RXFP2: variants seen among roughly 807,000 people sequenced by gnomAD.
RXFP2 encodes the protein relaxin family peptide receptor 2, also known as relaxin receptor 2.
RXFP2 carries 68 observed loss-of-function variants against 88.6 expected under a neutral mutation model. That is an observed-to-expected ratio of 0.77 (90% CI 0.63 to 0.94). The LOEUF (loss-of-function observed/expected upper bound fraction) is 0.94, where lower values mean the gene tolerates loss of function less well. RXFP2 is among the 40% of genes least tolerant of loss of function. The pLI, the probability that RXFP2 is intolerant of heterozygous loss-of-function variation, is 0.00. For synonymous variants in RXFP2, 329 were observed against 306.8 expected, an observed-to-expected ratio of 1.07 and a Z score of -0.76; for missense variants, 791 against 893.9, an observed-to-expected ratio of 0.88 and a Z score of 1.47.
At chr13:31,765,904 G>A in intron 4 of RXFP2, 52 bp from the exon 5 acceptor site, 5 of 852,114 alleles carry the variant, frequency 5.9e-6, no homozygotes, top group South Asian at 2.9e-5. Flanking sequence ...CTAGGGAAGA[G>A]TGGGTTGGCC....
In RXFP2 at chr13:31,786,483, T is replaced by A. The variant is rs376703734; in HGVS notation, c.1001+29T>A. On this transcript the variant is annotated intron_variant, in intron 12 of 17. Coordinates refer to ENST00000298386, the MANE Select transcript of RXFP2 (RefSeq NM_130806.5). Reference sequence around the variant, plus strand: ...AGTTCTACTTCTCACCATAATCAGATTTAAAGGGCAATATTTTGAGCTTTC... The same window carrying A: ...AGTTCTACTTCTCACCATAATCAGAATTAAAGGGCAATATTTTGAGCTTTC... 206 of 1,565,840 alleles carry A rather than the reference T, an allele frequency of 1.3e-4. No individual in the cohort carries two copies. In the African/African-American group the frequency reaches 2.6e-3, roughly 20 times the overall value.
chr13:31,798,309 A>T (rs1008281807), intron 17 of RXFP2, among the ~76,000 whole-genome samples: 3 of 152,238 alleles, frequency 2.0e-5, no homozygotes, highest in Non-Finnish European at 4.4e-5. Flanking sequence ...AACATTCACA[A>T]CATCCTCTTA....
At position 31,775,371 on chromosome 13, in the gene RXFP2, TA is replaced by T. The variant is rs765950569; in HGVS notation, c.624del (p.Leu208PhefsTer4). ...CTCAGACCTGGAATATTCAAAGACT[TA>T]CATCAGCTAACTTGGCTGTAAGTAC... ...TTLRPGIFKD[L>X]HQLTWLILDD... On this transcript the variant is annotated frameshift_variant, in exon 7 of 18. Coordinates refer to ENST00000298386, the MANE Select transcript of RXFP2 (RefSeq NM_130806.5). LOFTEE classifies it high-confidence loss of function. 1 of 1,612,880 alleles carries T rather than the reference TA, an allele frequency of 6.2e-7. No individual in the cohort carries two copies. Among genetic ancestry groups the T allele is most frequent in the East Asian group, 2.2e-5 (1 of 44,866 alleles).
rs1322417293 is a variant in RXFP2 at position 31,758,286 on chromosome 13, C to A, written c.123C>A (p.Ile41=). The A allele has an allele frequency of 6.2e-7, 1 of 1,613,996 alleles. No individual in the cohort carries two copies. ...KDFALTQGSM[I]TPSCQKGYFP... ...TTGCACTGACTCAAGGTAGCATGAT[C>A]ACTCCTTCATGCCAAAAAGGATATT... Residue 41 remains isoleucine (I), a synonymous_variant, in exon 2 of 18, where the codon ATC becomes ATA. Coordinates refer to ENST00000298386, the MANE Select transcript of RXFP2 (RefSeq NM_130806.5).
intron 13 of RXFP2, 131 bp downstream of exon 13, chr13:31,786,768 C>A: frequency 1.6e-6 from 1 of 630,956 alleles, no homozygotes; most frequent in Non-Finnish European, 2.8e-6. Flanking sequence ...CAGATCCCAT[C>A]AAGTACATAC....
intron 3 of RXFP2, among the ~76,000 whole-genome samples, chr13:31,762,049 T>A (rs1470611487): frequency 3.9e-5 from 6 of 152,254 alleles, no homozygotes; most frequent in African/African-American, 1.4e-4. Context: ...TGAATAATTG[T>A]GACAAATAGT....
At chr13:31,794,392 A>G (rs1873932294) in intron 16 of RXFP2, among the ~76,000 whole-genome samples, 1 of 151,494 alleles carries the variant, frequency 6.6e-6, no homozygotes, top group South Asian at 2.1e-4. Context: ...ACACACACAC[A>G]CACACACACA....
intron 11 of RXFP2, among the ~76,000 whole-genome samples, chr13:31,784,727 C>T (rs1873445918): frequency 6.6e-6 from 1 of 152,164 alleles, no homozygotes; most frequent in African/African-American, 2.4e-5. Context: ...TAACAAGAGA[C>T]CCCAACCTGA....
At chr13:31,757,302 G>C (rs1404102710) in intron 1 of RXFP2, among the ~76,000 whole-genome samples, 1 of 152,180 alleles carries the variant, frequency 6.6e-6, no homozygotes, top group South Asian at 2.1e-4. Context: ...AAGCCACCCT[G>C]TGTCACTTCC....
At chr13:31,755,041 G>T (rs765991194) in intron 1 of RXFP2, among the ~76,000 whole-genome samples, 1 of 152,208 alleles carries the variant, frequency 6.6e-6, no homozygotes, top group African/African-American at 2.4e-5. Flanking sequence ...GCATCAGCTT[G>T]TCTAGTCCCC....
rs1873802706 is a variant in RXFP2, at chr13:31,791,836, T to C, written c.1176T>C (p.Tyr392=). Residue 392 remains tyrosine (Y), a synonymous_variant, in exon 15 of 18, where the codon TAT becomes TAC. Transcript: ENST00000298386. ...TCAAAAACTTTCGATACTGCTCCTA[T>C]GCTCCCCATGTCCGAATATGTATGC... ...IYFKNFRYCS[Y]APHVRICMPL... is the part of the protein sequence containing the mutation. The C allele has an allele frequency of 1.2e-6, 2 of 1,614,068 alleles. No individual in the cohort carries two copies. Among genetic ancestry groups the C allele is most frequent in the Non-Finnish European group, 8.5e-7 (1 of 1,180,016 alleles).
At position 31,791,937 on chromosome 13, in the gene RXFP2, C is replaced by T; in HGVS notation, c.1277C>T (p.Ala426Val). Reference sequence around the variant, plus strand: ...CTCAGAATATTTGTCTGGGTTATAGCTTTCATTACCTGCTTTGGAAATCTT... The same window carrying T: ...CTCAGAATATTTGTCTGGGTTATAGTTTTCATTACCTGCTTTGGAAATCTT... Reference protein sequence around the residue: ...NILRIFVWVIAFITCFGNLFV... With the variant: ...NILRIFVWVIVFITCFGNLFV... Residue 426 changes from alanine (A) to valine (V), a missense_variant, in exon 15 of 18, where the codon GCT becomes GTT. Coordinates refer to ENST00000298386, the MANE Select transcript of RXFP2 (RefSeq NM_130806.5). The T allele has an allele frequency of 1.2e-6, 2 of 1,614,106 alleles. No homozygotes were observed. Among genetic ancestry groups the T allele is most frequent in the Non-Finnish European group, 1.7e-6 (2 of 1,179,972 alleles).
intron 9 of RXFP2, among the ~76,000 whole-genome samples, chr13:31,780,830 G>A (rs1304614910): frequency 3.9e-5 from 6 of 152,180 alleles, no homozygotes; most frequent in Non-Finnish European, 8.8e-5. Context: ...AGCGTGCATC[G>A]TAAACAATGG....
At chr13:31,782,527 C>A in intron 10 of RXFP2, 149 bp from the exon 11 acceptor site, 1 of 680,268 alleles carries the variant, frequency 1.5e-6, no homozygotes. Context: ...TGAAAAAGTC[C>A]TGCCTTAGTT....
At chr13:31,758,162 A>C in intron 1 of RXFP2, 96 bp from the exon 2 acceptor site, 4 of 1,125,274 alleles carry the variant, frequency 3.6e-6, no homozygotes, top group Non-Finnish European at 5.4e-6. Flanking sequence ...ATACCAGATG[A>C]ACTCAACTCA....
chr13:31,742,276 G>A (rs1030899407), intron 1 of RXFP2, among the ~76,000 whole-genome samples: 1 of 152,092 alleles, frequency 6.6e-6, no homozygotes, highest in African/African-American at 2.4e-5. Flanking sequence ...TATTTTGAGG[G>A]GAGCAGTGTT....
intron 1 of RXFP2, among the ~76,000 whole-genome samples, chr13:31,741,972 T>C (rs1331168344): frequency 6.6e-6 from 1 of 152,182 alleles, no homozygotes; most frequent in Non-Finnish European, 1.5e-5. Flanking sequence ...TGTTAGTAAC[T>C]ATCTTGCGTT....
At chr13:31,774,752 T>C (rs1442329316) in intron 6 of RXFP2, 61 bp downstream of exon 6, 5 of 917,090 alleles carry the variant, frequency 5.5e-6, no homozygotes, top group Non-Finnish European at 9.2e-6. Context: ...AAGGATAGAA[T>C]GGTACTTTTT....
rs769168083 is a variant in RXFP2 at position 31,797,265 on chromosome 13, A to C, written c.1851A>C (p.Gln617His). ...ATATTACTATGTTCTGTTCCATTCA[A>C]AAAACCGCCTTGCAGACCACAGAAG... ...FSYITMFCSIQKTALQTTEVR... is the reference protein window; with the variant it reads ...FSYITMFCSIHKTALQTTEVR... The change falls in exon 17 of 18, where the codon CAA (glutamine) becomes CAC (histidine). Residue 617 changes from glutamine to histidine, a missense_variant. Transcript: ENST00000298386. The C allele has an allele frequency of 1.2e-6, 2 of 1,614,106 alleles. No individual in the cohort carries two copies. The highest frequency in any genetic ancestry group is 2.2e-5 in the South Asian group (2 of 91,072).
Sources: gnomAD v4.1 joint callset for allele counts (sites outside exome capture counted in the v4.1 genomes callset) on GRCh38, gnomAD v4.1.1 for gene constraint, MANE v1.5 for transcripts, NCBI Gene and HGNC (gene_info 2026-07-23, HGNC 2026-07-21) for gene names.